OSGIN2: variants seen among roughly 807,000 people sequenced by gnomAD.
OSGIN2 encodes oxidative stress induced growth inhibitor family member 2.
A neutral mutation model predicts 53.8 loss-of-function variants in OSGIN2; 19 were observed. That is an observed-to-expected ratio of 0.35 (90% CI 0.25 to 0.52). The LOEUF (loss-of-function observed/expected upper bound fraction) is 0.52, where lower values mean the gene tolerates loss of function less well. Ranked by LOEUF, OSGIN2 falls within the 20% of genes least tolerant of loss-of-function variation. The pLI, the probability that OSGIN2 is intolerant of heterozygous loss-of-function variation, is 0.95. For missense variants in OSGIN2, 520 were observed against 662.7 expected, an observed-to-expected ratio of 0.78 and a Z score of 2.36; for synonymous variants, 236 against 236.0, an observed-to-expected ratio of 1.00 and a Z score of 0.00.
At chr8:89,907,377 A>G (rs945348843) in intron 1 of OSGIN2, among the ~76,000 whole-genome samples, 3 of 152,012 alleles carry the variant, frequency 2.0e-5, no homozygotes, top group African/African-American at 7.3e-5. Flanking sequence ...GTTGTCTTCC[A>G]GGGTTTATAT....
intron 4 of OSGIN2, among the ~76,000 whole-genome samples, chr8:89,918,230 A>G (rs1809122026): frequency 6.6e-6 from 1 of 152,132 alleles, no homozygotes; most frequent in South Asian, 2.1e-4. Context: ...GGTTCTCTGA[A>G]TCTTCAGTCT....
chr8:89,911,361 G>T (rs944096513), intron 2 of OSGIN2, among the ~76,000 whole-genome samples: 1 of 152,124 alleles, frequency 6.6e-6, no homozygotes, highest in African/African-American at 2.4e-5. Flanking sequence ...GGGCACAGTG[G>T]ATCACGCCTG....
chr8:89,927,444 T>A lies in OSGIN2; in HGVS notation c.*1912T>A, dbSNP rs1013528631. 1.3e-5 allele frequency: 2 copies of A among 152,210 alleles called. No homozygotes were observed. The highest frequency in any genetic ancestry group is 4.8e-5 in the African/African-American group (2 of 41,462). 9.4% of individuals were successfully genotyped at this position (152,210 alleles called of 1,614,324 possible). The stretch of plus-strand genomic sequence containing the variant: ...TAGTATATAACATTTGGGCATTTTC[T>A]CTGATATACTATACTCTCATGTTCT... On this transcript the variant is annotated 3_prime_UTR_variant, in exon 6 of 6. Transcript: ENST00000451899.
At chr8:89,917,750 G>A (rs912825764) in intron 4 of OSGIN2, among the ~76,000 whole-genome samples, 8 of 151,792 alleles carry the variant, frequency 5.3e-5, no homozygotes, top group Admixed American at 2.0e-4. Context: ...CACTCAAACC[G>A]AAAACTTACA....
At chr8:89,917,342 A>T (rs971237215) in intron 4 of OSGIN2, among the ~76,000 whole-genome samples, 2 of 152,212 alleles carry the variant, frequency 1.3e-5, no homozygotes, top group African/African-American at 4.8e-5. Context: ...TTCACACTAT[A>T]GATAATCTTT....
intron 5 of OSGIN2, among the ~76,000 whole-genome samples, chr8:89,922,227 C>T (rs970802968): frequency 6.6e-6 from 1 of 152,138 alleles, no homozygotes; most frequent in African/African-American, 2.4e-5. Flanking sequence ...TGCTACATAA[C>T]AACCATGTTA....
rs1717337866 is a variant in OSGIN2, at chr8:89,921,154, G to A, written c.603G>A (p.Trp201Ter). The change falls in exon 5 of 6, where the codon TGG becomes TGA. Residue 201 changes from tryptophan (W) to a stop codon, truncating the protein, a stop_gained. Transcript: ENST00000451899. LOFTEE classifies it high-confidence loss of function. Reference sequence around the variant, plus strand: ...TACCTGGACTTAAATTTAAGGACTGGGTATCAAGTAAACGAAGGTAAAGAT... The same window carrying A: ...TACCTGGACTTAAATTTAAGGACTGAGTATCAAGTAAACGAAGGTAAAGAT... Reference protein sequence around the residue: ...MELPGLKFKDWVSSKRRSLKG... With the variant: ...MELPGLKFKD 6.3e-7 allele frequency: 1 copy of A among 1,589,658 alleles called. No individual in the cohort carries two copies. Among genetic ancestry groups the A allele is most frequent in the African/African-American group, 1.4e-5 (1 of 74,004 alleles).
intron 4 of OSGIN2, among the ~76,000 whole-genome samples, chr8:89,916,387 G>C (rs552608841): frequency 6.6e-6 from 1 of 152,206 alleles, no homozygotes; most frequent in East Asian, 1.9e-4. Flanking sequence ...AAATAGGGCT[G>C]TAAGTAATAT....
At position 89,925,775 on chromosome 8, in the gene OSGIN2, A is replaced by G; in HGVS notation, c.*243A>G. 2.5e-6 allele frequency: 1 copy of G among 405,054 alleles called. No individual in the cohort carries two copies. Among genetic ancestry groups the G allele is most frequent in the Non-Finnish European group, 4.4e-6 (1 of 227,202 alleles). 25.1% of individuals were successfully genotyped at this position (405,054 alleles called of 1,614,324 possible). A position where few individuals can be genotyped will look rare whatever the true frequency, so the allele number is the denominator to read the frequency against. On this transcript the variant is annotated 3_prime_UTR_variant, in exon 6 of 6. Transcript: ENST00000451899. ...CTTGGTGTAACTTAAGCTTTCATTT[A>G]ACTAAAACATTCTTTTCTTGCAAAA...
At chr8:89,908,664 T>G (rs1254047082) in intron 1 of OSGIN2, among the ~76,000 whole-genome samples, 1 of 152,170 alleles carries the variant, frequency 6.6e-6, no homozygotes, top group Non-Finnish European at 1.5e-5. Context: ...TAAAGTAATC[T>G]GTTGTATAAT....
Position 89,909,548 on chromosome 8 carries a change from C to T in OSGIN2, c.45-19C>T. On this transcript the variant is annotated intron_variant, in intron 1 of 5. Transcript: ENST00000451899. ...TATTGACTATATCTCTTTTTATTCC[C>T]CCTTTTTTTTTTTTAAAGAAACTAT... 10 of 1,301,104 alleles carry T rather than the reference C, an allele frequency of 7.7e-6. No individual in the cohort carries two copies. The highest frequency in any genetic ancestry group is 2.5e-5 in the Admixed American group (1 of 39,816). 80.6% of individuals were successfully genotyped at this position (1,301,104 alleles called of 1,614,324 possible). A position where few individuals can be genotyped will look rare whatever the true frequency, so the allele number is the denominator to read the frequency against.
In OSGIN2 at chr8:89,924,641, T is replaced by A; in HGVS notation, c.759T>A (p.Asp253Glu). ...TATCAAGACTCTACAGAGATCAAGA[T>A]GATGATGATATTCAAGACAGAGATA... ...TSVSRLYRDQ[D>E]DDDIQDRDIS... Residue 253 changes from aspartate (D) to glutamate (E), a missense_variant, in exon 6 of 6, where the codon GAT (aspartate) becomes GAA (glutamate). Physicochemically the swap from Asp to Glu is conservative, Grantham distance 45. This residue lies in a region of OSGIN2 where 78 missense variants were observed against 59.1 expected (regional missense o/e 1.32). Transcript: ENST00000451899. The A allele has an allele frequency of 6.2e-7, 1 of 1,613,730 alleles. No individual in the cohort carries two copies. Among genetic ancestry groups the A allele is most frequent in the Non-Finnish European group, 8.5e-7 (1 of 1,179,698 alleles).
chr8:89,903,513 G>C (rs1808773316), intron 1 of OSGIN2, among the ~76,000 whole-genome samples: 1 of 152,188 alleles, frequency 6.6e-6, no homozygotes, highest in African/African-American at 2.4e-5. Context: ...TAAGCATAGG[G>C]AATACTTTAG....
At chr8:89,907,635 G>C (rs1212405019) in intron 1 of OSGIN2, among the ~76,000 whole-genome samples, 1 of 152,148 alleles carries the variant, frequency 6.6e-6, no homozygotes, top group East Asian at 1.9e-4. Context: ...TTTTGTACCA[G>C]TACCATGCTG....
At position 89,921,159 on chromosome 8, in the gene OSGIN2, C is replaced by A; in HGVS notation, c.608C>A (p.Ser203Ter). The change falls in exon 5 of 6, where the codon TCA (serine) becomes TAA (stop). Residue 203 changes from serine to a stop codon, truncating the protein, a stop_gained. Coordinates refer to ENST00000451899, the MANE Select transcript of OSGIN2 (RefSeq NM_001126111.3). LOFTEE classifies it high-confidence loss of function. ...LPGLKFKDWV[S>*]SKRRSLKGDR... ...GGACTTAAATTTAAGGACTGGGTAT[C>A]AAGTAAACGAAGGTAAAGATTGAAC... The A allele has an allele frequency of 6.3e-7, 1 of 1,579,364 alleles. No homozygotes were observed. The highest frequency in any genetic ancestry group is 8.6e-7 in the Non-Finnish European group (1 of 1,157,386).
At chr8:89,921,715 C>G (rs1209657417) in intron 5 of OSGIN2, among the ~76,000 whole-genome samples, 1 of 152,132 alleles carries the variant, frequency 6.6e-6, no homozygotes, top group Non-Finnish European at 1.5e-5. Context: ...GGCGCAGTGG[C>G]TCACGCCTGT....
At chr8:89,908,467 G>GT (rs1808883735) in intron 1 of OSGIN2, among the ~76,000 whole-genome samples, 2 of 152,086 alleles carry the variant, frequency 1.3e-5, no homozygotes, top group South Asian at 4.1e-4. Flanking sequence ...ATTCTTTTCT[G>GT]TTTATCAACC....
chr8:89,925,355 T>C lies in OSGIN2; in HGVS notation c.1473T>C (p.Asp491=). Residue 491 remains aspartate, a synonymous_variant, in exon 6 of 6, where the codon GAT becomes GAC. Transcript: ENST00000451899. ...ITCKGNPVEI[D]TYTYECIKEA... is the part of the protein sequence containing the mutation. ...GTAAGGGTAATCCTGTGGAAATAGA[T>C]ACATATACCTATGAGTGTATTAAAG... The C allele has an allele frequency of 1.9e-6, 3 of 1,614,156 alleles. No homozygotes were observed. Among genetic ancestry groups the C allele is most frequent in the Non-Finnish European group, 2.5e-6 (3 of 1,179,992 alleles).
chr8:89,925,743 C>CT lies in OSGIN2; in HGVS notation c.*212dup. 1 of 473,778 alleles carries CT rather than the reference C, an allele frequency of 2.1e-6. No homozygotes were observed. The highest frequency in any genetic ancestry group is 3.7e-6 in the Non-Finnish European group (1 of 267,622). 29.3% of individuals were successfully genotyped at this position (473,778 alleles called of 1,614,324 possible). A position where few individuals can be genotyped will look rare whatever the true frequency, so the allele number is the denominator to read the frequency against. The stretch of plus-strand genomic sequence containing the variant: ...TGTCACTGTCAGACAAATAGAAACA[C>CT]TGCCAACTTGGTGTAACTTAAGCTT... On this transcript the variant is annotated 3_prime_UTR_variant, in exon 6 of 6. Coordinates refer to ENST00000451899, the MANE Select transcript of OSGIN2 (RefSeq NM_001126111.3).
Sources: gnomAD v4.1 joint callset for allele counts (sites outside exome capture counted in the v4.1 genomes callset) on GRCh38, gnomAD v4.1.1 for gene constraint, gnomAD v4.1.1 regional missense constraint, MANE v1.5 for transcripts, NCBI Gene and HGNC (gene_info 2026-07-23, HGNC 2026-07-21) for gene names.